The following PDPR variants were observed in gnomAD, a reference collection of about 807,000 sequenced individuals.
PDPR encodes pyruvate dehydrogenase phosphatase regulatory subunit, also known as pyruvate dehydrogenase phosphatase regulatory subunit, mitochondrial.
Under a neutral mutation model 102.2 loss-of-function variants are expected in PDPR, and 50 were observed. That is an observed-to-expected ratio of 0.49 (90% CI 0.39 to 0.62). The LOEUF (loss-of-function observed/expected upper bound fraction) is 0.62. PDPR is among the 20% of genes least tolerant of loss of function. The probability of loss-of-function intolerance (pLI) is 0.00; values close to 1 mark genes in which losing one functional copy is unlikely to be tolerated. For synonymous variants in PDPR, 259 were observed against 406.0 expected, an observed-to-expected ratio of 0.64 and a Z score of 4.35; for missense variants, 625 against 1,098.2, an observed-to-expected ratio of 0.57 and a Z score of 6.09.
intron 16 of PDPR, chr16:70,147,594 G>T (rs961775093): frequency 2.2e-6 from 1 of 450,512 alleles, no homozygotes; most frequent in Non-Finnish European, 4.4e-6. Flanking sequence ...CAATGACAAC[G>T]GAATCCTCCC....
chr16:70,147,412 G>A (rs1966324454), intron 16 of PDPR: 1 of 374,748 alleles, frequency 2.7e-6, no homozygotes, highest in African/African-American at 2.1e-5. Context: ...TTCGAAGTTA[G>A]GTCCCTTCTC....
At chr16:70,130,685 A>C (rs1313512301) in intron 7 of PDPR, 141 bp downstream of exon 7, 22 of 1,131,432 alleles carry the variant, frequency 1.9e-5, no homozygotes, top group Non-Finnish European at 2.8e-5. Flanking sequence ...TCTAAATCAG[A>C]AACCTACACT....
chr16:70,146,864 CA>C (rs1202287694), intron 16 of PDPR, among the ~76,000 whole-genome samples: 137 of 57,420 alleles, frequency 2.4e-3, no homozygotes, highest in Non-Finnish European at 3.8e-3. Context: ...AAGACTGTCT[CA>C]AAAAAAAAAA....
chr16:70,141,319 G>C (rs550289386), intron 11 of PDPR, among the ~76,000 whole-genome samples: 50 of 152,352 alleles, frequency 3.3e-4, no homozygotes, highest in African/African-American at 1.2e-3. Flanking sequence ...CTCAGTGCTG[G>C]GTTTACAGAC....
chr16:70,116,805 G>C (rs1273669431), intron 2 of PDPR, among the ~76,000 whole-genome samples: 2 of 152,062 alleles, frequency 1.3e-5, no homozygotes, highest in African/African-American at 4.8e-5. Context: ...GCCTCCCAAA[G>C]TGCTGAGATA....
Position 70,142,401 on chromosome 16 carries a change from C to T in PDPR, c.1471+12C>T. On this transcript the variant is annotated intron_variant, in intron 12 of 18. Transcript: ENST00000288050. ...TCCCCCCGACAAGGGTAAGAAGTCA[C>T]ATTCTCATTTTTGCTTCTTTTTTTT... 1 of 1,612,854 alleles carries T rather than the reference C, an allele frequency of 6.2e-7. No individual in the cohort carries two copies. The highest frequency in any genetic ancestry group is 1.1e-5 in the South Asian group (1 of 90,904).
intron 14 of PDPR, 48 bp downstream of exon 14, chr16:70,143,706 C>G: frequency 8.8e-6 from 14 of 1,587,834 alleles, no homozygotes; most frequent in Non-Finnish European, 1.2e-5. Flanking sequence ...ATGTTGATTC[C>G]TTAGGGGTGC....
intron 3 of PDPR, among the ~76,000 whole-genome samples, chr16:70,126,948 G>A (rs62050960): frequency 0.23 from 33,247 of 143,060 alleles, 1,147 homozygotes; most frequent in Non-Finnish European, 0.31. Context: ...GAACTCAAGC[G>A]CTCCTCTGGC....
At chr16:70,138,400 A>G (rs1965382383) in intron 10 of PDPR, among the ~76,000 whole-genome samples, 1 of 152,210 alleles carries the variant, frequency 6.6e-6, no homozygotes, top group African/African-American at 2.4e-5. Flanking sequence ...TATTTTTAAT[A>G]GAGACAGGGT....
intron 17 of PDPR, among the ~76,000 whole-genome samples, chr16:70,151,226 A>G (rs988109169): frequency 1.3e-5 from 2 of 152,112 alleles, no homozygotes; most frequent in Non-Finnish European, 2.9e-5. Flanking sequence ...GAGCCACCGC[A>G]CCCGGCCTAT....
chr16:70,159,110 C>G lies in PDPR; in HGVS notation c.*2231C>G, dbSNP rs1967523385. ...TATATTAGTCAAATAGAAGCTTCAT[C>G]AGAAATGTATCCCACATAGAGTTTT... On this transcript the variant is annotated 3_prime_UTR_variant, in exon 19 of 19. Transcript: ENST00000288050. The G allele has an allele frequency of 6.6e-6, 1 of 152,350 alleles. No individual in the cohort carries two copies. Among genetic ancestry groups the G allele is most frequent in the South Asian group, 2.1e-4 (1 of 4,836 alleles). The allele number at this position is 152,350 out of a possible 1,614,324, so 9.4% of individuals were successfully genotyped here.
chr16:70,116,964 T>C (rs1962710116), intron 2 of PDPR, among the ~76,000 whole-genome samples: 1 of 151,696 alleles, frequency 6.6e-6, no homozygotes, highest in Non-Finnish European at 1.5e-5. Context: ...CAGCTGTCCT[T>C]TCCTTACCAT....
chr16:70,120,670 C>T lies in PDPR; in HGVS notation c.178C>T (p.His60Tyr). Reference protein sequence around the residue: ...GGITGTSVAYHLSKMGWKDIV... With the variant: ...GGITGTSVAYYLSKMGWKDIV... ...AATCACGGGCACTTCTGTGGCCTAT[C>T]ACCTCTCCAAAATGGGGTGGAAGGA... The change falls in exon 3 of 19, where the codon CAC becomes TAC. Residue 60 changes from histidine to tyrosine, a missense_variant. This residue lies in a region of PDPR where 84 missense variants were observed against 87.7 expected (regional missense o/e 0.96). Transcript: ENST00000288050. The T allele has an allele frequency of 6.2e-7, 1 of 1,613,820 alleles. No homozygotes were observed. Among genetic ancestry groups the T allele is most frequent in the South Asian group, 1.1e-5 (1 of 91,086 alleles).
At chr16:70,153,084 A>G (rs992530873) in intron 17 of PDPR, among the ~76,000 whole-genome samples, 5 of 152,290 alleles carry the variant, frequency 3.3e-5, no homozygotes, top group Admixed American at 2.0e-4. Flanking sequence ...CCATTTACCA[A>G]ATGGTGAGAG....
chr16:70,156,808 C>G lies in PDPR; in HGVS notation c.2569C>G (p.Pro857Ala). 6.2e-7 allele frequency: 1 copy of G among 1,614,070 alleles called. No individual in the cohort carries two copies. Among genetic ancestry groups the G allele is most frequent in the Non-Finnish European group, 8.5e-7 (1 of 1,179,902 alleles). ...CTTCCAGGCCAAGGCCAAGCTCTACCCTGTCGCCTCCCTCTTCACCCAGAA... is the reference window on the plus strand; with the variant it reads ...CTTCCAGGCCAAGGCCAAGCTCTACGCTGTCGCCTCCCTCTTCACCCAGAA... ...YRFQAKAKLY[P>A]VASLFTQKRR... The change falls in exon 19 of 19, where the codon CCT (proline) becomes GCT (alanine). Residue 857 changes from proline to alanine, a missense_variant. Physicochemically the swap from Pro to Ala is conservative, Grantham distance 27. Around this residue, in one of 11 missense-constraint regions of PDPR, gnomAD observed 303 missense variants for 258.9 expected, o/e 1.17. Transcript: ENST00000288050.
intron 3 of PDPR, among the ~76,000 whole-genome samples, chr16:70,122,748 A>AT (rs1963459598): frequency 6.6e-6 from 1 of 152,250 alleles, no homozygotes; most frequent in Non-Finnish European, 1.5e-5. Flanking sequence ...ACAAATGGTG[A>AT]TTTTTTGATC....
chr16:70,122,854 T>TACACAC (rs71151173), intron 3 of PDPR, among the ~76,000 whole-genome samples: 4 of 145,614 alleles, frequency 2.7e-5, no homozygotes, highest in Admixed American at 6.9e-5. Context: ...TATACACACA[T>TACACAC]ACACACACAC....
At chr16:70,153,681 G>A in intron 18 of PDPR, 108 bp downstream of exon 18, 4 of 1,217,156 alleles carry the variant, frequency 3.3e-6, no homozygotes, top group Non-Finnish European at 4.5e-6. Flanking sequence ...AAAGATTGAG[G>A]CCTTGATGTT....
intron 10 of PDPR, among the ~76,000 whole-genome samples, chr16:70,137,038 G>A (rs966228927): frequency 4.0e-5 from 6 of 151,310 alleles, no homozygotes; most frequent in Admixed American, 1.3e-4. Flanking sequence ...CACTGTGCCC[G>A]GCCACAAGTT....
Sources: allele counts gnomAD v4.1 joint callset (sites outside exome capture counted in the v4.1 genomes callset), GRCh38; gene constraint gnomAD v4.1.1; regional missense constraint gnomAD v4.1.1; transcripts MANE v1.5; gene names NCBI Gene and HGNC (gene_info 2026-07-23, HGNC 2026-07-21).